PRIMA1: variants seen among roughly 807,000 people sequenced by gnomAD.
PRIMA1 encodes proline rich membrane anchor 1.
PRIMA1 carries 7 observed loss-of-function variants against 17.5 expected under a neutral mutation model. That is an observed-to-expected ratio of 0.40 (90% CI 0.23 to 0.75). The LOEUF (loss-of-function observed/expected upper bound fraction) is 0.75. Among genes scored for constraint, PRIMA1 ranks in the 30% least tolerant of loss-of-function variants. The pLI, the probability that PRIMA1 is intolerant of heterozygous loss-of-function variation, is 0.37. For synonymous variants in PRIMA1, 97 were observed against 77.9 expected, an observed-to-expected ratio of 1.25 and a Z score of -1.29; for missense variants, 200 against 201.8, an observed-to-expected ratio of 0.99 and a Z score of 0.05.
chr14:93,737,439 C>T lies in PRIMA1; in HGVS notation c.230-69G>A, dbSNP rs2076157065. 14 of 1,566,524 alleles carry T rather than the reference C, an allele frequency of 8.9e-6. No homozygotes were observed. In the South Asian group the frequency reaches 1.6e-4, roughly 18 times the overall value. Reference sequence around the variant, plus strand: ...GTCATGGCCAGTGACAGAGGTGGGACCATCATGGGTGACACCAACAGAGGC... The same window carrying T: ...GTCATGGCCAGTGACAGAGGTGGGATCATCATGGGTGACACCAACAGAGGC... On this transcript the variant is annotated intron_variant, in intron 3 of 4. Coordinates refer to ENST00000393140, the MANE Select transcript of PRIMA1 (RefSeq NM_178013.4).
intron 3 of PRIMA1, among the ~76,000 whole-genome samples, chr14:93,742,783 G>C (rs982239757): frequency 6.6e-6 from 1 of 152,216 alleles, no homozygotes; most frequent in Non-Finnish European, 1.5e-5. Flanking sequence ...GAGTAGGAAA[G>C]ACTTCAAGAC....
chr14:93,780,067 T>C (rs1468357663), intron 2 of PRIMA1, among the ~76,000 whole-genome samples: 1 of 152,218 alleles, frequency 6.6e-6, no homozygotes, highest in Non-Finnish European at 1.5e-5. Flanking sequence ...CCTCGTCCCA[T>C]GCTCTCTCCC....
At chr14:93,749,181 C>T (rs2076245493) in intron 3 of PRIMA1, among the ~76,000 whole-genome samples, 1 of 152,176 alleles carries the variant, frequency 6.6e-6, no homozygotes, top group African/African-American at 2.4e-5. Context: ...TCTGTTCCCA[C>T]CAGGGCTGCA....
intron 3 of PRIMA1, among the ~76,000 whole-genome samples, chr14:93,758,927 G>A (rs2076309195): frequency 6.6e-6 from 1 of 152,142 alleles, no homozygotes; most frequent in African/African-American, 2.4e-5. Flanking sequence ...GCTCTCTGTG[G>A]GCTTGGCCTG....
At chr14:93,770,680 G>C (rs1428342070) in intron 3 of PRIMA1, among the ~76,000 whole-genome samples, 1 of 152,080 alleles carries the variant, frequency 6.6e-6, no homozygotes, top group African/African-American at 2.4e-5. Context: ...TCCTGTGATA[G>C]TTTTGGTTTG....
intron 2 of PRIMA1, among the ~76,000 whole-genome samples, chr14:93,782,916 G>A (rs1885422819): frequency 6.6e-6 from 1 of 152,152 alleles, no homozygotes; most frequent in Admixed American, 6.5e-5. Flanking sequence ...GTTCATGCAA[G>A]AACAGGACTG....
At chr14:93,747,543 TGA>T (rs1163238588) in intron 3 of PRIMA1, among the ~76,000 whole-genome samples, 2 of 151,648 alleles carry the variant, frequency 1.3e-5, no homozygotes, top group Non-Finnish European at 1.5e-5. Flanking sequence ...GTGGAGTGTG[TGA>T]GTGTGTGAGA....
intron 3 of PRIMA1, among the ~76,000 whole-genome samples, chr14:93,759,980 C>A (rs56756585): frequency 0.16 from 23,679 of 152,288 alleles, 3,212 homozygotes; most frequent in African/African-American, 0.37. Flanking sequence ...GCACAGATGC[C>A]ACAGCCAGGT....
intron 3 of PRIMA1, among the ~76,000 whole-genome samples, chr14:93,770,525 C>G (rs1281572813): frequency 6.6e-6 from 1 of 152,184 alleles, no homozygotes; most frequent in Non-Finnish European, 1.5e-5. Flanking sequence ...GCTCTTCCCC[C>G]AGATCTTCCT....
At chr14:93,775,348 C>A (rs965823331) in intron 3 of PRIMA1, among the ~76,000 whole-genome samples, 1 of 152,234 alleles carries the variant, frequency 6.6e-6, no homozygotes, top group Non-Finnish European at 1.5e-5. Context: ...CGGGCCCTGG[C>A]ACCATGCCCC....
intron 3 of PRIMA1, among the ~76,000 whole-genome samples, chr14:93,750,797 G>A (rs752170604): frequency 9.2e-5 from 14 of 152,230 alleles, no homozygotes; most frequent in South Asian, 4.1e-4. Context: ...CACTCCTTCC[G>A]TATTATTTTT....
In PRIMA1 at chr14:93,719,568, G is replaced by A. The variant is rs895709158; in HGVS notation, c.*1876C>T. The A allele has an allele frequency of 2.0e-5, 3 of 152,726 alleles. No individual in the cohort carries two copies. The highest frequency in any genetic ancestry group is 4.4e-5 in the Non-Finnish European group (3 of 68,456). The allele number at this position is 152,726 out of a possible 1,614,324, so 9.5% of individuals were successfully genotyped here. The stretch of plus-strand genomic sequence containing the variant: ...CAGGGGTCTGCTTAGGGCACAGCTT[G>A]GGGGTTCAACAGGCACCAGAAGGCT... On this transcript the variant is annotated 3_prime_UTR_variant, in exon 5 of 5. Transcript: ENST00000393140.
At chr14:93,751,054 C>T (rs564938231) in intron 3 of PRIMA1, among the ~76,000 whole-genome samples, 1 of 152,330 alleles carries the variant, frequency 6.6e-6, no homozygotes, top group East Asian at 1.9e-4. Flanking sequence ...GACAACATTC[C>T]CTGGAAGGCT....
chr14:93,747,653 T>C (rs1397930483), intron 3 of PRIMA1, among the ~76,000 whole-genome samples: 1 of 145,644 alleles, frequency 6.9e-6, no homozygotes, highest in Admixed American at 6.9e-5. Flanking sequence ...GTATTGTGTA[T>C]GAGTGTGTGA....
intron 3 of PRIMA1, among the ~76,000 whole-genome samples, chr14:93,747,745 G>C (rs1444479107): frequency 2.0e-5 from 3 of 151,172 alleles, no homozygotes; most frequent in African/African-American, 7.3e-5. Flanking sequence ...CGAGTGGGAA[G>C]TGTGTGGAGT....
intron 3 of PRIMA1, among the ~76,000 whole-genome samples, chr14:93,742,494 A>G (rs1159993669): frequency 6.6e-6 from 1 of 152,194 alleles, no homozygotes; most frequent in African/African-American, 2.4e-5. Context: ...GGTCCCATGG[A>G]TGTTTGCAGA....
Position 93,726,141 on chromosome 14 carries a change from T to A in PRIMA1, c.360-4595A>T, listed in dbSNP as rs2076074116. 4.5e-6 allele frequency: 2 copies of A among 443,364 alleles called. No individual in the cohort carries two copies. Among genetic ancestry groups the A allele is most frequent in the Admixed American group, 2.4e-5 (1 of 41,868 alleles). 27.5% of individuals were successfully genotyped at this position (443,364 alleles called of 1,614,324 possible). ...CTTGGAGGGCAGCAGGCTCCCACAT[T>A]CCCTGCTCGGAGTGCCGCGCGGACA... On this transcript the variant is annotated intron_variant, in intron 4 of 4. Transcript: ENST00000393140. The surrounding 1 kb of genome is among the most constrained non-coding windows in gnomAD (Gnocchi z 4.2).
chr14:93,745,831 G>T (rs1292951883), intron 3 of PRIMA1, among the ~76,000 whole-genome samples: 1 of 152,226 alleles, frequency 6.6e-6, no homozygotes, highest in African/African-American at 2.4e-5. Context: ...TTAAAATCCA[G>T]ATCCTGACTT....
At chr14:93,739,990 G>A (rs184349173) in intron 3 of PRIMA1, among the ~76,000 whole-genome samples, 23 of 152,062 alleles carry the variant, frequency 1.5e-4, no homozygotes, top group Admixed American at 4.6e-4. Context: ...CGCTTGAACC[G>A]GGAGGTGGAG....
Sources: allele counts gnomAD v4.1 joint callset (sites outside exome capture counted in the v4.1 genomes callset), GRCh38; gene constraint gnomAD v4.1.1; non-coding constraint Gnocchi (gnomAD v3.1); transcripts MANE v1.5; gene names NCBI Gene and HGNC (gene_info 2026-07-23, HGNC 2026-07-21).